Variants in LRRTM4 observed in about 807,000 individuals in gnomAD.
LRRTM4 encodes leucine rich repeat transmembrane neuronal 4.
LRRTM4 carries 25 observed loss-of-function variants against 47.6 expected under a neutral mutation model. That is an observed-to-expected ratio of 0.53 (90% CI 0.38 to 0.73). LRRTM4 has a LOEUF of 0.73. Among genes scored for constraint, LRRTM4 ranks in the 30% least tolerant of loss-of-function variants. The pLI is 0.00. For synonymous variants in LRRTM4, 311 were observed against 269.5 expected, an observed-to-expected ratio of 1.15 and a Z score of -1.51; for missense variants, 638 against 713.4, an observed-to-expected ratio of 0.89 and a Z score of 1.20.
At chr2:77,228,875 C>A (rs1322499891) in intron 3 of LRRTM4, among the ~76,000 whole-genome samples, 1 of 152,138 alleles carries the variant, frequency 6.6e-6, no homozygotes, top group Non-Finnish European at 1.5e-5. Context: ...CATGAGGGAT[C>A]CACACATCTG....
chr2:77,220,377 A>C (rs1674583976), intron 3 of LRRTM4, among the ~76,000 whole-genome samples: 1 of 152,330 alleles, frequency 6.6e-6, no homozygotes, highest in South Asian at 2.1e-4. Context: ...ACGAGTTGAG[A>C]GAAGAAGGCT....
intron 3 of LRRTM4, among the ~76,000 whole-genome samples, chr2:77,203,271 G>A (rs921981031): frequency 1.3e-5 from 2 of 151,988 alleles, no homozygotes; most frequent in African/African-American, 4.8e-5. Flanking sequence ...AGGAATAGAC[G>A]GGTCCCTAAA....
rs185048020 is a variant in LRRTM4, at chr2:77,321,536, G to A, written c.1551+196782C>T. 4.4e-4 allele frequency among the ~76,000 whole-genome samples: 48 copies of A among 109,840 alleles called. No individual in the cohort carries two copies. In the East Asian group the frequency reaches 0.015, roughly 34 times the overall value. The allele number at this position is 109,840 out of a possible 152,430, so 72.1% of individuals were successfully genotyped here. A position where few individuals can be genotyped will look rare whatever the true frequency, so the allele number is the denominator to read the frequency against. On this transcript the variant is annotated intron_variant, in intron 3 of 3. Coordinates refer to ENST00000409884, the MANE Select transcript of LRRTM4 (RefSeq NM_001134745.3). ...CGCATGCAGTAGGTTCCAAATAAGT[G>A]TTGGCTAAATCGGGGAGGGGGGGGG...
intron 3 of LRRTM4, among the ~76,000 whole-genome samples, chr2:76,753,407 T>C (rs563069747): frequency 2.6e-5 from 4 of 152,300 alleles, no homozygotes; most frequent in African/African-American, 7.2e-5. Context: ...TTTAGAGAGA[T>C]GCTAGCACAT....
At chr2:77,501,788 G>A (rs1030782785) in intron 3 of LRRTM4, among the ~76,000 whole-genome samples, 31 of 151,188 alleles carry the variant, frequency 2.1e-4, no homozygotes, top group African/African-American at 7.2e-4. Context: ...ATAAAATTAC[G>A]AACAAGCAAA....
intron 3 of LRRTM4, among the ~76,000 whole-genome samples, chr2:76,888,538 A>C (rs559326351): frequency 6.6e-6 from 1 of 151,878 alleles, no homozygotes; most frequent in Non-Finnish European, 1.5e-5. Context: ...ATAAAAATAC[A>C]CTTAAAGCTA....
intron 3 of LRRTM4, among the ~76,000 whole-genome samples, chr2:77,004,418 C>T (rs970118877): frequency 1.2e-4 from 19 of 152,314 alleles, no homozygotes; most frequent in Middle Eastern, 6.8e-3. Context: ...CAAGCCTCAG[C>T]AGCTTCCACA....
chr2:77,094,745 T>C (rs1670760889), intron 3 of LRRTM4, among the ~76,000 whole-genome samples: 1 of 152,054 alleles, frequency 6.6e-6, no homozygotes, highest in African/African-American at 2.4e-5. Flanking sequence ...AAGAATGAAA[T>C]TGGATACTTC....
intron 3 of LRRTM4, among the ~76,000 whole-genome samples, chr2:77,257,069 C>T (rs984381808): frequency 1.3e-5 from 2 of 151,998 alleles, no homozygotes; most frequent in Non-Finnish European, 2.9e-5. Context: ...ATACAGAAAA[C>T]AGCTTTGTCA....
chr2:77,478,225 C>G (rs1677515387), intron 3 of LRRTM4, among the ~76,000 whole-genome samples: 2 of 152,100 alleles, frequency 1.3e-5, no homozygotes, highest in Non-Finnish European at 2.9e-5. Context: ...GGGGACACAC[C>G]ATTTCAAATT....
At chr2:76,861,494 T>C (rs1672311418) in intron 3 of LRRTM4, among the ~76,000 whole-genome samples, 1 of 152,156 alleles carries the variant, frequency 6.6e-6, no homozygotes, top group African/African-American at 2.4e-5. Context: ...CAGAGGTCTA[T>C]TGTGAGCAGT....
chr2:77,082,743 T>C (rs933021915), intron 3 of LRRTM4, among the ~76,000 whole-genome samples: 10 of 152,068 alleles, frequency 6.6e-5, no homozygotes, highest in African/African-American at 2.4e-4. Context: ...AGAAAAAAAG[T>C]CTATTTTGAA....
intron 3 of LRRTM4, among the ~76,000 whole-genome samples, chr2:77,376,508 A>C (rs1573331608): frequency 6.6e-6 from 1 of 151,088 alleles, no homozygotes; most frequent in Non-Finnish European, 1.5e-5. Context: ...ACATCCTGTA[A>C]TCTGTGACAG....
intron 3 of LRRTM4, among the ~76,000 whole-genome samples, chr2:77,188,039 GC>G (rs1284104271): frequency 1.3e-5 from 2 of 151,962 alleles, no homozygotes; most frequent in African/African-American, 4.8e-5. Flanking sequence ...TTTACATTTA[GC>G]TTTTAGTTCT....
In LRRTM4 at chr2:77,288,863, T is replaced by C. The variant is rs575973906; in HGVS notation, c.1551+229455A>G. ...ACAGCAGTATCTCAGCAGAAGCCAATTGGGATGGAGCCACAGAAATAAAGT... is the reference window on the plus strand; with the variant it reads ...ACAGCAGTATCTCAGCAGAAGCCAACTGGGATGGAGCCACAGAAATAAAGT... On this transcript the variant is annotated intron_variant, in intron 3 of 3. Coordinates refer to ENST00000409884, the MANE Select transcript of LRRTM4 (RefSeq NM_001134745.3). 2.2e-4 allele frequency among the ~76,000 whole-genome samples: 33 copies of C among 152,146 alleles called. 1 individual carries two copies. The South Asian group carries it at 5.2e-3, about 24-fold the overall frequency.
intron 3 of LRRTM4, among the ~76,000 whole-genome samples, chr2:76,751,649 A>C (rs1672852128): frequency 6.6e-6 from 1 of 152,082 alleles, no homozygotes. Context: ...GACCTCTTTC[A>C]ATCAGTACAG....
intron 3 of LRRTM4, among the ~76,000 whole-genome samples, chr2:77,132,449 T>C (rs570201637): frequency 7.2e-5 from 11 of 152,334 alleles, no homozygotes; most frequent in Non-Finnish European, 1.0e-4. Context: ...GTGCTACAGT[T>C]AGCATGGTAG....
chr2:77,169,420 G>C (rs531020171), intron 3 of LRRTM4, among the ~76,000 whole-genome samples: 2 of 151,960 alleles, frequency 1.3e-5, no homozygotes, highest in Admixed American at 1.3e-4. Context: ...TTTCTCCTTA[G>C]ATGTACTTCC....
chr2:77,191,421 T>C (rs1411337479), intron 3 of LRRTM4, among the ~76,000 whole-genome samples: 1 of 151,962 alleles, frequency 6.6e-6, no homozygotes, highest in Non-Finnish European at 1.5e-5. Flanking sequence ...AAATTCTTAA[T>C]ATTTGTTTCT....
Sources: gnomAD v4.1 joint callset for allele counts (sites outside exome capture counted in the v4.1 genomes callset) on GRCh38, gnomAD v4.1.1 for gene constraint, MANE v1.5 for transcripts, NCBI Gene and HGNC (gene_info 2026-07-23, HGNC 2026-07-21) for gene names.